The following APLP1 variants were observed in gnomAD, a reference collection of about 807,000 sequenced individuals.
APLP1 encodes amyloid beta precursor like protein 1.
Under a neutral mutation model 84.5 loss-of-function variants are expected in APLP1, and 46 were observed. The observed-to-expected ratio is 0.54, with a 90% CI of 0.43 to 0.70. The LOEUF is 0.70. Ranked by LOEUF, APLP1 falls within the 30% of genes least tolerant of loss-of-function variation. The pLI is 0.00. For synonymous variants in APLP1, 376 were observed against 364.0 expected (o/e 1.03, Z -0.38); for missense variants, 826 against 900.2 (o/e 0.92, Z 1.05).
rs762635890 is a variant in APLP1 at position 35,879,638 on chromosome 19, G to A, written c.*197G>A. On this transcript the variant is annotated 3_prime_UTR_variant, in exon 17 of 17. Transcript: ENST00000221891. ...TAAGAATTCCCAGATAGTCCCAGCA[G>A]CCTCCCCACGTGGCACCTCCTCACC... 74 of 578,588 alleles carry A rather than the reference G, an allele frequency of 1.3e-4. No individual in the cohort carries two copies. Among genetic ancestry groups the A allele is most frequent in the Non-Finnish European group, 2.0e-4 (66 of 329,502 alleles). The allele number at this position is 578,588 out of a possible 1,614,324, so 35.8% of individuals were successfully genotyped here.
chr19:35,871,042 G>A lies in APLP1; in HGVS notation c.424+14G>A, dbSNP rs554503781. Reference sequence around the variant, plus strand: ...TCCGCTGCCTGCGTGAGTCCCAGGCGGGGAGAGGGGAACTGAGGTGGGAGT... The same window carrying A: ...TCCGCTGCCTGCGTGAGTCCCAGGCAGGGAGAGGGGAACTGAGGTGGGAGT... On this transcript the variant is annotated intron_variant, in intron 3 of 16. Transcript: ENST00000221891. 47 of 1,512,366 alleles carry A rather than the reference G, an allele frequency of 3.1e-5. No homozygotes were observed. The highest frequency in any genetic ancestry group is 5.2e-5 in the South Asian group (4 of 76,526). The allele number at this position is 1,512,366 out of a possible 1,614,324, so 93.7% of individuals were successfully genotyped here.
rs1444000953 is a variant in APLP1, at chr19:35,879,111, C to T, written c.1751C>T (p.Ser584Leu). 1 of 1,612,158 alleles carries T rather than the reference C, an allele frequency of 6.2e-7. No homozygotes were observed. The highest frequency in any genetic ancestry group is 8.5e-7 in the Non-Finnish European group (1 of 1,179,982). Residue 584 changes from serine to leucine, a missense_variant, in exon 16 of 17, where the codon TCG becomes TTG. By Grantham distance (145) the Ser-to-Leu change is moderately radical. This residue lies in a region of APLP1 where 433 missense variants were observed against 496.5 expected (regional missense o/e 0.87). Coordinates refer to ENST00000221891, the MANE Select transcript of APLP1 (RefSeq NM_001024807.3). ...AGTGVSREAV[S>L]GLLIMGAGGG... is the part of the protein sequence containing the mutation. ...ACAGGGGTGTCCCGTGAGGCTGTGTCGGGTCTGCTGATCATGGGAGCGGGC... is the reference window on the plus strand; with the variant it reads ...ACAGGGGTGTCCCGTGAGGCTGTGTTGGGTCTGCTGATCATGGGAGCGGGC...
rs541017798 is a variant in APLP1 at position 35,873,959 on chromosome 19, C to T, written c.1056+246C>T. 3.3e-5 allele frequency among the ~76,000 whole-genome samples: 5 copies of T among 152,370 alleles called. No individual in the cohort carries two copies. The South Asian group carries it at 8.3e-4, about 25-fold the overall frequency. On this transcript the variant is annotated intron_variant, in intron 8 of 16. Transcript: ENST00000221891. ...GACTTGACTTGCCTCTCAGGGCTGG[C>T]TCTGGAGTCCTGTCCCAAGCCAGGG...
At chr19:35,877,604 C>A in intron 11 of APLP1, 114 bp from the exon 12 acceptor site, 1 of 665,704 alleles carries the variant, frequency 1.5e-6, no homozygotes, top group Non-Finnish European at 2.5e-6. Flanking sequence ...GGCTACCCCA[C>A]ACTTGGGGCT....
intron 10 of APLP1, 129 bp from the exon 11 acceptor site, chr19:35,876,388 C>T: frequency 1.3e-6 from 1 of 768,554 alleles, no homozygotes; most frequent in Non-Finnish European, 2.3e-6. Context: ...AACCCTTGTA[C>T]CACACATCCT....
intron 10 of APLP1, among the ~76,000 whole-genome samples, chr19:35,876,155 AC>A (rs1974277422): frequency 6.6e-6 from 1 of 152,004 alleles, no homozygotes; most frequent in African/African-American, 2.4e-5. Context: ...TTTCCCTGGA[AC>A]CCCTGTTCTG....
At position 35,877,795 on chromosome 19, in the gene APLP1, G is replaced by A; in HGVS notation, c.1522G>A (p.Gly508Ser). 6.2e-7 allele frequency: 1 copy of A among 1,610,726 alleles called. No individual in the cohort carries two copies. Among genetic ancestry groups the A allele is most frequent in the Non-Finnish European group, 8.5e-7 (1 of 1,179,084 alleles). Residue 508 changes from glycine to serine, a missense_variant, in exon 12 of 17, where the codon GGT becomes AGT. Gly to Ser is a moderately conservative substitution (Grantham distance 56, BLOSUM62 0). Around this residue, in one of 3 missense-constraint regions of APLP1, gnomAD observed 433 missense variants for 496.5 expected, o/e 0.87. Coordinates refer to ENST00000221891, the MANE Select transcript of APLP1 (RefSeq NM_001024807.3). Reference protein sequence around the residue: ...PAPGGSSEDKGGLQPPDSKDA... With the variant: ...PAPGGSSEDKSGLQPPDSKDA... ...CCCTGGGGGCAGCAGCGAGGACAAG[G>A]GTGGGCTGCAGCCTCCAGATTCCAA...
chr19:35,877,386 G>T (rs1974305514), intron 11 of APLP1, among the ~76,000 whole-genome samples: 2 of 151,908 alleles, frequency 1.3e-5, no homozygotes, highest in Non-Finnish European at 2.9e-5. Context: ...CTACTTAGGA[G>T]GCTGAGGCAA....
chr19:35,872,745 C>T (rs922943589), intron 7 of APLP1, 132 bp downstream of exon 7: 6 of 934,332 alleles, frequency 6.4e-6, no homozygotes, highest in Admixed American at 6.6e-5. Flanking sequence ...CTCAACACCA[C>T]CCCCTAAGAT....
Position 35,879,534 on chromosome 19 carries a change from TTGAAG to T in APLP1, c.*97_*101del. 9.4e-7 allele frequency: 1 copy of T among 1,062,566 alleles called. No homozygotes were observed. Among genetic ancestry groups the T allele is most frequent in the South Asian group, 1.4e-5 (1 of 73,126 alleles). The allele number at this position is 1,062,566 out of a possible 1,614,324, so 65.8% of individuals were successfully genotyped here. A position where few individuals can be genotyped will look rare whatever the true frequency, so the allele number is the denominator to read the frequency against. On this transcript the variant is annotated 3_prime_UTR_variant, in exon 17 of 17. Coordinates refer to ENST00000221891, the MANE Select transcript of APLP1 (RefSeq NM_001024807.3). ...TCCCAGCCTAGGGCAGCAGGGAGTCTTGAAGTGATCATTTCACACCCTTTTGTGAG... is the reference window on the plus strand; with the variant it reads ...TCCCAGCCTAGGGCAGCAGGGAGTCTTGATCATTTCACACCCTTTTGTGAG...
At position 35,878,971 on chromosome 19, in the gene APLP1, G is replaced by A. The variant is rs1475678095; in HGVS notation, c.1713+19G>A. The A allele has an allele frequency of 1.9e-6, 3 of 1,613,894 alleles. No individual in the cohort carries two copies. Among genetic ancestry groups the A allele is most frequent in the African/African-American group, 2.7e-5 (2 of 74,898 alleles). ...TGAGCTGGTAAGAGGAGGAACAGCC[G>A]GGTACCTAGGGGAAGAGACCAGAGG... On this transcript the variant is annotated intron_variant, in intron 15 of 16. Coordinates refer to ENST00000221891, the MANE Select transcript of APLP1 (RefSeq NM_001024807.3).
At chr19:35,873,755 C>T (rs1312476386) in intron 8 of APLP1, 42 bp downstream of exon 8, 20 of 1,577,816 alleles carry the variant, frequency 1.3e-5, no homozygotes, top group Non-Finnish European at 1.7e-5. Context: ...CTGTCCACCA[C>T]CTGGAGCACA....
chr19:35,869,670 C>G lies in APLP1; in HGVS notation c.151C>G (p.Pro51Ala), dbSNP rs1353313471. The G allele has an allele frequency of 1.9e-6, 3 of 1,609,950 alleles. No homozygotes were observed. The highest frequency in any genetic ancestry group is 1.7e-4 in the Middle Eastern group (1 of 5,886). Reference sequence around the variant, plus strand: ...TGTCCTTTCCACTTCCATCCAGGCCCCGGGGTCGGCCCAGGTGGCTGGACT... The same window carrying G: ...TGTCCTTTCCACTTCCATCCAGGCCGCGGGGTCGGCCCAGGTGGCTGGACT... The part of the protein sequence containing the change: ...AGGSPGAAEA[P>A]GSAQVAGLCG... The change falls in exon 2 of 17, where the codon CCG (proline) becomes GCG (alanine). Residue 51 changes from proline (P) to alanine (A), a missense_variant. Around this residue, in one of 3 missense-constraint regions of APLP1, gnomAD observed 383 missense variants for 378.3 expected, o/e 1.01. Transcript: ENST00000221891.
Position 35,876,630 on chromosome 19 carries a change from A to T in APLP1, c.1444+14A>T. The stretch of plus-strand genomic sequence containing the variant: ...GGCCCCAAATCCGTGAGTGTCTATT[A>T]CCCTGGCTCCCATTACAGATCTCTG... On this transcript the variant is annotated intron_variant, in intron 11 of 16. Coordinates refer to ENST00000221891, the MANE Select transcript of APLP1 (RefSeq NM_001024807.3). 1 of 1,593,834 alleles carries T rather than the reference A, an allele frequency of 6.3e-7. No individual in the cohort carries two copies. The highest frequency in any genetic ancestry group is 8.6e-7 in the Non-Finnish European group (1 of 1,168,434).
rs765592654 is a variant in APLP1 at position 35,868,776 on chromosome 19, C to T, written c.140C>T (p.Ala47Val). ...AGCCTGGCCGGTGGGAGCCCCGGCG[C>T]GGCCGAGGTGAGGCCGGGCCGGGTC... ...IGSLAGGSPG[A>V]AEAPGSAQVA... The change falls in exon 1 of 17, where the codon GCG (alanine) becomes GTG (valine). Residue 47 changes from alanine (A) to valine (V), a missense_variant. Ala to Val is a moderately conservative substitution (Grantham distance 64, BLOSUM62 0). Coordinates refer to ENST00000221891, the MANE Select transcript of APLP1 (RefSeq NM_001024807.3). This position sits in a 1 kb window ranked among gnomAD's most constrained non-coding sequence, Gnocchi z 5.2. 4.7e-6 allele frequency: 6 copies of T among 1,282,514 alleles called. No homozygotes were observed. In the Admixed American group the frequency reaches 2.2e-4, roughly 46 times the overall value. The allele number at this position is 1,282,514 out of a possible 1,614,324, so 79.4% of individuals were successfully genotyped here.
intron 13 of APLP1, 122 bp downstream of exon 13, chr19:35,878,230 G>A: frequency 9.1e-7 from 1 of 1,103,502 alleles, no homozygotes; most frequent in Non-Finnish European, 1.3e-6. Flanking sequence ...GTACTTTCCA[G>A]CCCCCTCCTC....
rs763445415 is a variant in APLP1 at position 35,879,385 on chromosome 19, C to A, written c.1900C>A (p.Leu634Met). 6.2e-7 allele frequency: 1 copy of A among 1,613,996 alleles called. No individual in the cohort carries two copies. ...LTLEEQQLRE[L>M]QRHGYENPTY... ...CCTGGAGGAGCAGCAGCTCCGCGAA[C>A]TGCAGCGGCACGGCTATGAGAACCC... is the stretch of plus-strand genomic sequence containing the variant. Residue 634 changes from leucine (L) to methionine (M), a missense_variant, in exon 17 of 17, where the codon CTG (leucine) becomes ATG (methionine). Physicochemically the swap from Leu to Met is conservative, Grantham distance 15. Around this residue, in one of 3 missense-constraint regions of APLP1, gnomAD observed 433 missense variants for 496.5 expected, o/e 0.87. Transcript: ENST00000221891.
At position 35,877,507 on chromosome 19, in the gene APLP1, A is replaced by AC. The variant is rs200194200; in HGVS notation, c.1445-211_1445-210insC. Among the ~76,000 whole-genome samples the AC allele has an allele frequency of 7.1e-3, 1,076 of 150,574 alleles. 22 individuals are homozygous for AC. The highest frequency in any genetic ancestry group is 0.071 in the East Asian group (367 of 5,156). ...CTGTCTCAAAAAAAAAAAAACAAAA[A>AC]AAAAACATAATCTTGAAACTTCAGC... On this transcript the variant is annotated intron_variant, in intron 11 of 16. Coordinates refer to ENST00000221891, the MANE Select transcript of APLP1 (RefSeq NM_001024807.3).
chr19:35,878,735 G>A lies in APLP1; in HGVS notation c.1650+81G>A, dbSNP rs1974338364. 3.2e-6 allele frequency: 5 copies of A among 1,565,534 alleles called. No individual in the cohort carries two copies. In the South Asian group the frequency reaches 4.4e-5, roughly 14 times the overall value. On this transcript the variant is annotated intron_variant, in intron 14 of 16. Transcript: ENST00000221891. ...GCTGGGTACGAGGGAGGAGATGCTG[G>A]GGGCTTGGATTCCTTGTCCTGAGGG...
Sources: gnomAD v4.1 joint callset for allele counts (sites outside exome capture counted in the v4.1 genomes callset) on GRCh38, gnomAD v4.1.1 for gene constraint, gnomAD v4.1.1 regional missense constraint, Gnocchi (gnomAD v3.1) non-coding constraint, MANE v1.5 for transcripts, NCBI Gene and HGNC (gene_info 2026-07-23, HGNC 2026-07-21) for gene names.